The following ZMAT1 variants were observed in gnomAD, a reference collection of about 807,000 sequenced individuals.
ZMAT1 encodes the protein zinc finger matrin-type protein 1.
A neutral mutation model predicts 18.5 loss-of-function variants in ZMAT1; 11 were observed. The ratio of observed to expected loss-of-function variants is 0.59; its 90% CI spans 0.37 to 0.98. ZMAT1 has a LOEUF of 0.98. Ranked by LOEUF, ZMAT1 falls within the 50% of genes least tolerant of loss-of-function variation. The pLI is 0.01. For synonymous variants in ZMAT1, 211 were observed against 176.4 expected, an observed-to-expected ratio of 1.20 and a Z score of -1.55; for missense variants, 525 against 496.2, an observed-to-expected ratio of 1.06 and a Z score of -0.55.
chrX:101,897,189 A>AG (rs1469456673), intron 4 of ZMAT1, among the ~76,000 whole-genome samples: 7 of 109,011 alleles, frequency 6.4e-5, no homozygotes, highest in African/African-American at 2.3e-4. Context: ...TGTCCTTTGT[A>AG]GGACATGGAT....
intron 5 of ZMAT1, among the ~76,000 whole-genome samples, chrX:101,885,534 T>G (rs1217678787): frequency 1.8e-5 from 2 of 110,349 alleles, no homozygotes; most frequent in Non-Finnish European, 3.8e-5. Context: ...CAAGAACCCA[T>G]CTCTGAAAAA....
Position 101,883,703 on chromosome X carries a change from C to T in ZMAT1, c.1895G>A (p.Ser632Asn). The part of the protein sequence containing the change: ...YEDTDLDKDK[S>N]IRQRKREEDR... ...CTCCTCTCTTTTCCTTTGTCTGATGCTCTTGTCTTTGTCTAAATCTGTATC... is the reference window on the plus strand; with the variant it reads ...CTCCTCTCTTTTCCTTTGTCTGATGTTCTTGTCTTTGTCTAAATCTGTATC... Residue 632 changes from serine (S) to asparagine (N), a missense_variant, in exon 6 of 6, where the codon AGC becomes AAC. Ser to Asn is a conservative substitution (Grantham distance 46, BLOSUM62 1). Transcript: ENST00000651725. The T allele has an allele frequency of 8.3e-7, 1 of 1,207,532 alleles. No homozygotes were observed. Among genetic ancestry groups the T allele is most frequent in the Non-Finnish European group, 1.1e-6 (1 of 894,439 alleles).
chrX:101,898,656 C>G (rs974586116), intron 2 of ZMAT1, among the ~76,000 whole-genome samples: 1 of 111,767 alleles, frequency 8.9e-6, no homozygotes, highest in Non-Finnish European at 1.9e-5. Context: ...ACCCTTCTTC[C>G]TTACTGATTT....
chrX:101,928,508 C>A (rs1314654026), intron 1 of ZMAT1, among the ~76,000 whole-genome samples: 1 of 112,287 alleles, frequency 8.9e-6, no homozygotes, highest in Non-Finnish European at 1.9e-5. Flanking sequence ...TAGGCATGTG[C>A]CACCACGCCC....
intron 1 of ZMAT1, among the ~76,000 whole-genome samples, chrX:101,925,278 G>C (rs909558840): frequency 1.8e-5 from 2 of 112,166 alleles, no homozygotes; most frequent in African/African-American, 6.5e-5. Context: ...TAATGTATTT[G>C]ATTACATTTA....
intron 1 of ZMAT1, among the ~76,000 whole-genome samples, chrX:101,910,483 A>G (rs1360410678): frequency 1.8e-5 from 2 of 112,898 alleles, no homozygotes; most frequent in Non-Finnish European, 3.7e-5. Flanking sequence ...TTTCACAGAG[A>G]GAATTCAAAG....
intron 1 of ZMAT1, among the ~76,000 whole-genome samples, chrX:101,908,575 G>A (rs1313298454): frequency 3.6e-5 from 4 of 111,911 alleles, no homozygotes; most frequent in Admixed American, 9.5e-5. Context: ...GCAGCCTGGT[G>A]CAGAGAGCAT....
At chrX:101,920,285 T>C (rs1929638370) in intron 1 of ZMAT1, among the ~76,000 whole-genome samples, 2 of 111,334 alleles carry the variant, frequency 1.8e-5, no homozygotes, top group Admixed American at 1.9e-4. Context: ...ATAATCTGCC[T>C]GCCTCTGCCT....
At chrX:101,924,221 C>T (rs1486042194) in intron 1 of ZMAT1, among the ~76,000 whole-genome samples, 1 of 111,348 alleles carries the variant, frequency 9.0e-6, no homozygotes, top group Non-Finnish European at 1.9e-5. Flanking sequence ...AAGTGATTCT[C>T]CTGCCTCAGC....
At chrX:101,897,541 A>G (rs1409710432) in intron 4 of ZMAT1, among the ~76,000 whole-genome samples, 1 of 105,882 alleles carries the variant, frequency 9.4e-6, no homozygotes, top group Non-Finnish European at 2.0e-5. Flanking sequence ...CAAAGTGTCT[A>G]TCTAAAAAAA....
intron 1 of ZMAT1, among the ~76,000 whole-genome samples, chrX:101,929,933 G>A (rs188209047): frequency 8.8e-4 from 98 of 111,058 alleles, no homozygotes; most frequent in African/African-American, 2.8e-3. Context: ...AGAGGGCATG[G>A]GGCCTGTTCA....
chrX:101,887,970 C>T (rs1393083344), intron 4 of ZMAT1: 1 of 111,246 alleles, frequency 9.0e-6, no homozygotes, highest in Non-Finnish European at 1.9e-5. Flanking sequence ...ACCAGAATGA[C>T]AATACAATAA....
At chrX:101,912,862 A>G (rs1393454300) in intron 1 of ZMAT1, among the ~76,000 whole-genome samples, 2 of 112,227 alleles carry the variant, frequency 1.8e-5, no homozygotes, top group Admixed American at 9.4e-5. Context: ...AGCTGCTTCC[A>G]TAGAGTCTCA....
chrX:101,903,098 T>A (rs1928363541), intron 2 of ZMAT1, among the ~76,000 whole-genome samples: 1 of 111,893 alleles, frequency 8.9e-6, no homozygotes, highest in South Asian at 3.7e-4. Context: ...CAATATAAAT[T>A]AAAATGGTCC....
At chrX:101,929,462 C>CAGAGAGAGAG (rs1180169221) in intron 1 of ZMAT1, among the ~76,000 whole-genome samples, 1 of 66,371 alleles carries the variant, frequency 1.5e-5, no homozygotes, top group South Asian at 6.6e-4. Flanking sequence ...TATATACACA[C>CAGAGAGAGAG]AGAGAGAGAG....
At chrX:101,926,823 C>T (rs1188089982) in intron 1 of ZMAT1, among the ~76,000 whole-genome samples, 5 of 112,206 alleles carry the variant, frequency 4.5e-5, no homozygotes, top group Non-Finnish European at 7.5e-5. Context: ...CAGGATAACC[C>T]GTCAGATGTT....
At chrX:101,907,081 G>T (rs1928667228) in intron 1 of ZMAT1, among the ~76,000 whole-genome samples, 1 of 111,855 alleles carries the variant, frequency 8.9e-6, no homozygotes. Context: ...ACACCCCAGT[G>T]CTAGGCTAGC....
chrX:101,905,502 T>C (rs1928549529), intron 1 of ZMAT1, among the ~76,000 whole-genome samples: 1 of 112,270 alleles, frequency 8.9e-6, no homozygotes, highest in Admixed American at 9.4e-5. Context: ...GTACACATGC[T>C]TTCACAGAGA....
intron 1 of ZMAT1, among the ~76,000 whole-genome samples, chrX:101,910,099 A>G (rs1236519578): frequency 3.6e-5 from 4 of 112,456 alleles, no homozygotes; most frequent in African/African-American, 1.3e-4. Context: ...TAAGTTTGGG[A>G]GAAAGTAAGG....
Sources: allele counts gnomAD v4.1 joint callset (sites outside exome capture counted in the v4.1 genomes callset), GRCh38; gene constraint gnomAD v4.1.1; transcripts MANE v1.5; gene names NCBI Gene and HGNC (gene_info 2026-07-23, HGNC 2026-07-21).